The following PCDHGA7 variants were observed in gnomAD, a reference collection of about 807,000 sequenced individuals.
PCDHGA7 encodes protocadherin gamma-A7.
A neutral mutation model predicts 58.3 loss-of-function variants in PCDHGA7; 44 were observed. That is an observed-to-expected ratio of 0.75 (90% confidence interval 0.59 to 0.97). The LOEUF is 0.97. Ranked by LOEUF, PCDHGA7 falls within the 50% of genes least tolerant of loss-of-function variation. The pLI, the probability that PCDHGA7 is intolerant of heterozygous loss-of-function variation, is 0.00. For synonymous variants in PCDHGA7, 516 were observed against 504.2 expected (o/e 1.02, Z -0.31); for missense variants, 1,266 against 1,188.7 (o/e 1.06, Z -0.96).
At chr5:141,453,430 C>A (rs1043851647) in intron 1 of PCDHGA7, among the ~76,000 whole-genome samples, 1 of 152,018 alleles carries the variant, frequency 6.6e-6, no homozygotes, top group Non-Finnish European at 1.5e-5. Flanking sequence ...CCACACCTAG[C>A]CTAGTATTCT....
intron 2 of PCDHGA7, among the ~76,000 whole-genome samples, chr5:141,504,179 A>C (rs1247627456): frequency 6.6e-6 from 1 of 152,240 alleles, no homozygotes; most frequent in Non-Finnish European, 1.5e-5. Context: ...AATTCAAAAA[A>C]ATCATGAAAA....
At chr5:141,418,136 G>C (rs1218707482) in intron 1 of PCDHGA7, 15 of 1,613,984 alleles carry the variant, frequency 9.3e-6, no homozygotes, top group Non-Finnish European at 1.1e-5. Flanking sequence ...AATAGACCGT[G>C]AGCAAATATG....
intron 1 of PCDHGA7, chr5:141,427,891 G>A (rs767506033): frequency 1.3e-6 from 2 of 1,566,658 alleles, no homozygotes; most frequent in South Asian, 2.2e-5. Context: ...CACGACCAGG[G>A]CTCGCCCGCG....
intron 1 of PCDHGA7, chr5:141,442,197 A>G (rs1267971703): frequency 1.3e-5 from 2 of 153,426 alleles, no homozygotes; most frequent in African/African-American, 4.8e-5. Context: ...ATTAATTTAT[A>G]TCTGGTGATT....
intron 1 of PCDHGA7, among the ~76,000 whole-genome samples, chr5:141,473,126 A>C (rs2154571574): frequency 6.6e-6 from 1 of 152,356 alleles, no homozygotes; most frequent in South Asian, 2.1e-4. Flanking sequence ...GCTCTTTGGC[A>C]AACTATATTA....
rs371319055 is a variant in PCDHGA7 at position 141,399,494 on chromosome 5, G to C, written c.2424+14171G>C. 328 of 1,614,032 alleles carry C rather than the reference G, an allele frequency of 2.0e-4. 1 individual carries two copies. The highest frequency in any genetic ancestry group is 1.7e-3 in the South Asian group (152 of 91,086). ...TTCCACCAGGCGTCCTACTTAGTCA[G>C]TGTACCCGAAAACAACCCTCCTGGG... is the stretch of plus-strand genomic sequence containing the variant. On this transcript the variant is annotated intron_variant, in intron 1 of 3. Coordinates refer to ENST00000518325, the MANE Select transcript of PCDHGA7 (RefSeq NM_018920.4).
chr5:141,434,517 G>A (rs1476955199), intron 1 of PCDHGA7, among the ~76,000 whole-genome samples: 1 of 152,212 alleles, frequency 6.6e-6, no homozygotes, highest in East Asian at 1.9e-4. Context: ...GCTTAAAGGT[G>A]TTCTTAAACC....
At chr5:141,426,665 T>A in intron 1 of PCDHGA7, 1 of 429,940 alleles carries the variant, frequency 2.3e-6, no homozygotes, top group South Asian at 1.6e-5. Context: ...ATATAAATGA[T>A]AACCCACCTC....
At chr5:141,471,111 C>T (rs529680278) in intron 1 of PCDHGA7, among the ~76,000 whole-genome samples, 1 of 146,150 alleles carries the variant, frequency 6.8e-6, no homozygotes, top group African/African-American at 2.6e-5. Flanking sequence ...TGCAGTGGTG[C>T]GATCTTACCT....
intron 1 of PCDHGA7, chr5:141,403,345 A>C (rs1267522141): frequency 1.2e-6 from 2 of 1,614,050 alleles, no homozygotes; most frequent in South Asian, 2.2e-5. Context: ...ACAGCGCCCC[A>C]AAGTTCCAGG....
chr5:141,450,555 C>T (rs958577638), intron 1 of PCDHGA7, among the ~76,000 whole-genome samples: 4 of 151,710 alleles, frequency 2.6e-5, no homozygotes, highest in East Asian at 1.9e-4. Flanking sequence ...GGCGCAGTCT[C>T]GGCTCACTGC....
At chr5:141,410,849 C>CTTTTTTGTTTTTTTTTTTTTTT (rs2095433183) in intron 1 of PCDHGA7, 1 of 129,786 alleles carries the variant, frequency 7.7e-6, no homozygotes, top group African/African-American at 6.0e-5. Flanking sequence ...TTGTCTTTGT[C>CTTTTTTGTTTTTTTTTTTTTTT]TTTTTTTTTT....
In PCDHGA7 at chr5:141,487,258, G is replaced by T. The variant is rs368598017; in HGVS notation, c.2425-7549G>T. On this transcript the variant is annotated intron_variant, in intron 1 of 3. Transcript: ENST00000518325. The surrounding 1 kb of genome is among the most constrained non-coding windows in gnomAD (Gnocchi z 5.0). ...CTCGTCTAACCCTCTACTTGGCTGT[G>T]TCCCTAGTGGCAATTTGCTTTGTCT... 1.5e-4 allele frequency: 240 copies of T among 1,614,026 alleles called. 1 individual carries two copies. The highest frequency in any genetic ancestry group is 3.3e-5 in the Admixed American group (2 of 60,004).
Position 141,431,473 on chromosome 5 carries a change from C to A in PCDHGA7, c.2424+46150C>A, listed in dbSNP as rs750300971. 16 of 1,613,714 alleles carry A rather than the reference C, an allele frequency of 9.9e-6. 1 individual carries two copies. The highest frequency in any genetic ancestry group is 9.3e-5 in the African/African-American group (7 of 74,948). On this transcript the variant is annotated intron_variant, in intron 1 of 3. Transcript: ENST00000518325. This position sits in a 1 kb window ranked among gnomAD's most constrained non-coding sequence, Gnocchi z 4.8. Reference sequence around the variant, plus strand: ...TGATGGTTCTGGATGCGAACGACAACGCACCAGCGTTTGCTCAGCCCGAGT... The same window carrying A: ...TGATGGTTCTGGATGCGAACGACAAAGCACCAGCGTTTGCTCAGCCCGAGT...
intron 2 of PCDHGA7, among the ~76,000 whole-genome samples, chr5:141,495,507 C>T (rs1380258502): frequency 6.6e-6 from 1 of 152,188 alleles, no homozygotes; most frequent in African/African-American, 2.4e-5. Context: ...TCCGTCTTTG[C>T]CACTTTCTCT....
At chr5:141,398,895 A>G (rs2093721929) in intron 1 of PCDHGA7, 3 of 1,613,988 alleles carry the variant, frequency 1.9e-6, no homozygotes, top group African/African-American at 1.3e-5. Flanking sequence ...AAAACGTGCC[A>G]CCAGGCACCA....
At chr5:141,483,224 G>A (rs530779494) in intron 1 of PCDHGA7, among the ~76,000 whole-genome samples, 17 of 152,242 alleles carry the variant, frequency 1.1e-4, no homozygotes, top group Middle Eastern at 3.4e-3. Flanking sequence ...AGTCACTGCA[G>A]AAATTTGAAC....
chr5:141,457,899 C>CA (rs2098931976), intron 1 of PCDHGA7, among the ~76,000 whole-genome samples: 1 of 148,818 alleles, frequency 6.7e-6, no homozygotes, highest in Admixed American at 6.7e-5. Context: ...ACTGTGTAGA[C>CA]AAGGTGTGAG....
At chr5:141,473,907 C>A (rs552055360) in intron 1 of PCDHGA7, among the ~76,000 whole-genome samples, 1 of 152,102 alleles carries the variant, frequency 6.6e-6, no homozygotes. Flanking sequence ...ATGAAGAGGT[C>A]TTAAGAAAAC....
Sources: gnomAD v4.1 joint callset for allele counts (sites outside exome capture counted in the v4.1 genomes callset) on GRCh38, gnomAD v4.1.1 for gene constraint, Gnocchi (gnomAD v3.1) non-coding constraint, MANE v1.5 for transcripts, NCBI Gene and HGNC (gene_info 2026-07-23, HGNC 2026-07-21) for gene names.